The following AEBP2 variants were observed in gnomAD, a reference collection of about 807,000 sequenced individuals.
The protein encoded by AEBP2 is AE binding protein 2, also known as zinc finger protein AEBP2.
A neutral mutation model predicts 50.8 loss-of-function variants in AEBP2; 10 were observed. The observed-to-expected ratio is 0.20, with a 90% CI of 0.12 to 0.33. The LOEUF is 0.33. Ranked by LOEUF, AEBP2 falls within the 10% of genes least tolerant of loss-of-function variation. The pLI is 1.00. For synonymous variants in AEBP2, 296 were observed against 261.3 expected, an observed-to-expected ratio of 1.13 and a Z score of -1.28; for missense variants, 570 against 688.0, an observed-to-expected ratio of 0.83 and a Z score of 1.92.
At chr12:19,481,186 C>T (rs538951525) in intron 3 of AEBP2, among the ~76,000 whole-genome samples, 1 of 147,232 alleles carries the variant, frequency 6.8e-6, no homozygotes, top group East Asian at 2.0e-4. Context: ...CTTCAACCTC[C>T]GCCTTCCAGG....
rs575286324 is a variant in AEBP2 at position 19,446,605 on chromosome 12, A to C, written c.671+6235A>C. Among the ~76,000 whole-genome samples, 587 of 152,092 alleles carry C rather than the reference A, an allele frequency of 3.9e-3. 4 individuals carry two copies. Among genetic ancestry groups the C allele is most frequent in the African/African-American group, 0.014 (560 of 41,480 alleles). On this transcript the variant is annotated intron_variant, in intron 1 of 7. Coordinates refer to ENST00000266508, the MANE Select transcript of AEBP2 (RefSeq NM_153207.5). ...AAATTAGCTGGGCGTGGTGGCGGGCACCTGTAGTCCCAGCTACTTGGGAGA... is the reference window on the plus strand; with the variant it reads ...AAATTAGCTGGGCGTGGTGGCGGGCCCCTGTAGTCCCAGCTACTTGGGAGA...
At chr12:19,510,889 G>A (rs532137646) in intron 5 of AEBP2, among the ~76,000 whole-genome samples, 1 of 6,814 alleles carries the variant, frequency 1.5e-4, no homozygotes, top group East Asian at 3.8e-3. Flanking sequence ...TTTTGAGGTG[G>A]GGCCTCTGTT....
At chr12:19,455,972 T>A (rs988116146) in intron 1 of AEBP2, among the ~76,000 whole-genome samples, 2 of 152,170 alleles carry the variant, frequency 1.3e-5, no homozygotes, top group Non-Finnish European at 2.9e-5. Flanking sequence ...TAAACTTTTT[T>A]AGGGGCTCTC....
intron 2 of AEBP2, among the ~76,000 whole-genome samples, chr12:19,467,508 A>G: frequency 6.6e-6 from 1 of 151,954 alleles, no homozygotes. Flanking sequence ...TGGCCCGCCT[A>G]GTCTCGAACA....
chr12:19,415,065 T>C (rs1447196652), intron 1 of AEBP2, among the ~76,000 whole-genome samples: 2 of 151,336 alleles, frequency 1.3e-5, no homozygotes, highest in Non-Finnish European at 2.9e-5. Context: ...TGCCTGTAAC[T>C]TTGGGAGACT....
intron 2 of AEBP2, among the ~76,000 whole-genome samples, chr12:19,463,537 C>T (rs1395270849): frequency 6.6e-6 from 1 of 151,902 alleles, no homozygotes; most frequent in East Asian, 1.9e-4. Flanking sequence ...TAAAAATCAT[C>T]ATGGTTTAAG....
intron 3 of AEBP2, among the ~76,000 whole-genome samples, chr12:19,475,041 T>A (rs1372810184): frequency 6.6e-6 from 1 of 152,220 alleles, no homozygotes; most frequent in Non-Finnish European, 1.5e-5. Context: ...TCTGCCCACC[T>A]TGGCCTCCCA....
rs753844287 is a variant in AEBP2, at chr12:19,521,903, T to TA, written c.*3793dup. The TA allele has an allele frequency of 3.3e-5, 5 of 152,028 alleles. No homozygotes were observed. Among genetic ancestry groups the TA allele is most frequent in the Non-Finnish European group, 1.5e-5 (1 of 67,972 alleles). The allele number at this position is 152,028 out of a possible 1,614,324, so 9.4% of individuals were successfully genotyped here. A position where few individuals can be genotyped will look rare whatever the true frequency, so the allele number is the denominator to read the frequency against. On this transcript the variant is annotated 3_prime_UTR_variant, in exon 8 of 8. Transcript: ENST00000266508. The stretch of plus-strand genomic sequence containing the variant: ...GAGGGTTTTCTCTTTAATCACAACT[T>TA]AAAAAAAGAAACCTTTAATACCTCT...
chr12:19,406,638 G>T (rs543494438), intron 1 of AEBP2, among the ~76,000 whole-genome samples: 1 of 148,118 alleles, frequency 6.8e-6, no homozygotes, highest in Non-Finnish European at 1.5e-5. Flanking sequence ...CTGAGATTGC[G>T]CCATTGCACT....
At chr12:19,413,220 C>A in intron 1 of AEBP2, 2 of 809,832 alleles carry the variant, frequency 2.5e-6, no homozygotes. Flanking sequence ...AGTATCTTAA[C>A]CCAAGTTTTG....
At chr12:19,451,147 C>G (rs117495183) in intron 1 of AEBP2, among the ~76,000 whole-genome samples, 3,048 of 152,218 alleles carry the variant, frequency 0.02, 45 homozygotes, top group Non-Finnish European at 0.03. Flanking sequence ...CATGACAGCC[C>G]TTTTCCAACA....
chr12:19,480,251 C>T (rs562756774), intron 3 of AEBP2, among the ~76,000 whole-genome samples: 62 of 152,076 alleles, frequency 4.1e-4, no homozygotes, highest in African/African-American at 1.2e-3. Context: ...TTATAGGTGC[C>T]CACCACCACG....
intron 7 of AEBP2, among the ~76,000 whole-genome samples, 162 bp from the exon 8 acceptor site, chr12:19,517,925 C>CT (rs1949343791): frequency 6.6e-6 from 1 of 152,140 alleles, no homozygotes; most frequent in African/African-American, 2.4e-5. Context: ...TATTATGTAA[C>CT]TAAGTATAGA....
chr12:19,432,350 A>G (rs116533393), intron 1 of AEBP2, among the ~76,000 whole-genome samples: 1,997 of 152,238 alleles, frequency 0.013, 48 homozygotes, highest in African/African-American at 0.045. Flanking sequence ...CCCTAACACA[A>G]TGATCTCCAT....
chr12:19,452,604 A>G (rs1948183396), intron 1 of AEBP2, among the ~76,000 whole-genome samples: 1 of 152,158 alleles, frequency 6.6e-6, no homozygotes, highest in African/African-American at 2.4e-5. Flanking sequence ...ATTAGGGCAA[A>G]TAATTATAAT....
intron 6 of AEBP2, among the ~76,000 whole-genome samples, chr12:19,513,249 A>G (rs1949263077): frequency 2.0e-5 from 3 of 152,132 alleles, no homozygotes; most frequent in African/African-American, 7.2e-5. Flanking sequence ...GCAATTGACT[A>G]ATTTTCTAGC....
intron 1 of AEBP2, among the ~76,000 whole-genome samples, chr12:19,460,432 G>A (rs1010300097): frequency 2.0e-5 from 3 of 151,676 alleles, no homozygotes; most frequent in Non-Finnish European, 4.4e-5. Flanking sequence ...ACCTCCTACT[G>A]CAACCTCCTC....
chr12:19,412,957 G>T (rs1328833788), intron 1 of AEBP2, among the ~76,000 whole-genome samples: 1 of 152,210 alleles, frequency 6.6e-6, no homozygotes, highest in African/African-American at 2.4e-5. Context: ...GTCACGAGGG[G>T]CCCAGGAGGC....
At chr12:19,466,550 G>A (rs559132089) in intron 2 of AEBP2, among the ~76,000 whole-genome samples, 4 of 152,274 alleles carry the variant, frequency 2.6e-5, no homozygotes, top group South Asian at 4.2e-4. Context: ...TCCAGAACTT[G>A]TAAATTATCA....
Sources: gnomAD v4.1 joint callset for allele counts (sites outside exome capture counted in the v4.1 genomes callset) on GRCh38, gnomAD v4.1.1 for gene constraint, MANE v1.5 for transcripts, NCBI Gene and HGNC (gene_info 2026-07-23, HGNC 2026-07-21) for gene names.